The following CFAP44 variants were observed in gnomAD, a reference collection of about 807,000 sequenced individuals.
CFAP44 encodes the protein cilia- and flagella-associated protein 44.
A neutral mutation model predicts 216.2 loss-of-function variants in CFAP44; 134 were observed. That is an observed-to-expected ratio of 0.62 (90% CI 0.54 to 0.72). CFAP44 has a LOEUF of 0.72. Among genes scored for constraint, CFAP44 ranks in the 30% least tolerant of loss-of-function variants. The pLI is 0.00. For missense variants in CFAP44, 2,035 were observed against 2,182.1 expected, an observed-to-expected ratio of 0.93 and a Z score of 1.34; for synonymous variants, 700 against 727.6, an observed-to-expected ratio of 0.96 and a Z score of 0.61.
intron 32 of CFAP44, among the ~76,000 whole-genome samples, chr3:113,298,479 T>C (rs1949903252): frequency 1.3e-5 from 2 of 152,178 alleles, no homozygotes; most frequent in African/African-American, 4.8e-5. Context: ...ATATCCCAAT[T>C]CTGGGCACAT....
At chr3:113,328,679 G>A (rs1950210189) in intron 26 of CFAP44, among the ~76,000 whole-genome samples, 1 of 70,066 alleles carries the variant, frequency 1.4e-5, no homozygotes, top group South Asian at 5.4e-4. Flanking sequence ...GAAACTACCA[G>A]AGAAATTTAG....
intron 15 of CFAP44, among the ~76,000 whole-genome samples, chr3:113,382,143 A>C (rs1933531461): frequency 6.6e-6 from 1 of 152,184 alleles, no homozygotes; most frequent in African/African-American, 2.4e-5. Context: ...GAACAGAATG[A>C]GAGGAGAGAT....
At chr3:113,339,921 G>A (rs1950315551) in intron 24 of CFAP44, among the ~76,000 whole-genome samples, 1 of 152,244 alleles carries the variant, frequency 6.6e-6, no homozygotes, top group Non-Finnish European at 1.5e-5. Context: ...CCCTTGCTTA[G>A]TGCAACTGAG....
chr3:113,375,369 T>C (rs1933310467), intron 17 of CFAP44, among the ~76,000 whole-genome samples: 1 of 152,036 alleles, frequency 6.6e-6, no homozygotes, highest in Non-Finnish European at 1.5e-5. Context: ...TAAAAAGCAA[T>C]TGGAAAAACA....
At chr3:113,363,666 C>CTGAA in intron 19 of CFAP44, 134 bp from the exon 20 acceptor site, 1 of 760,744 alleles carries the variant, frequency 1.3e-6, no homozygotes, top group Non-Finnish European at 1.9e-6. Context: ...AATTATAGGT[C>CTGAA]TGAAAATCAG....
At chr3:113,426,677 T>C (rs1460592947) in intron 3 of CFAP44, 4 of 195,296 alleles carry the variant, frequency 2.0e-5, no homozygotes, top group Non-Finnish European at 4.2e-5. Flanking sequence ...AACGGACTAA[T>C]ACAAAGAGTG....
At chr3:113,364,671 C>T (rs984142164) in intron 19 of CFAP44, among the ~76,000 whole-genome samples, 1 of 152,070 alleles carries the variant, frequency 6.6e-6, no homozygotes, top group Non-Finnish European at 1.5e-5. Context: ...TTGAGTTAAA[C>T]AAAAGTTCCA....
rs7652801 is a variant in CFAP44, at chr3:113,289,759, A to G, written c.*1798T>C. On this transcript the variant is annotated 3_prime_UTR_variant, in exon 35 of 35. Transcript: ENST00000393845. ...GGCTGTAAAAGACTGTGGCTCTTGT[A>G]TACATCATTCTCTCTTGCTGTCTCC... The G allele has an allele frequency of 0.031, 4,800 of 152,398 alleles. 96 individuals carry two copies. The highest frequency in any genetic ancestry group is 0.088 in the Middle Eastern group (26 of 296). The allele number at this position is 152,398 out of a possible 1,614,324, so 9.4% of individuals were successfully genotyped here.
chr3:113,401,787 C>G, intron 9 of CFAP44, 48 bp from the exon 10 acceptor site: 1 of 1,521,512 alleles, frequency 6.6e-7, no homozygotes. Flanking sequence ...AGTTTCTGAA[C>G]ATTTATTTTC....
intron 22 of CFAP44, among the ~76,000 whole-genome samples, chr3:113,355,224 GA>G (rs199967870): frequency 2.7e-5 from 4 of 149,818 alleles, no homozygotes; most frequent in Non-Finnish European, 4.5e-5. Context: ...TATTGAAATT[GA>G]AAAAAAAAAT....
chr3:113,428,216 C>T (rs1935013964), intron 2 of CFAP44, among the ~76,000 whole-genome samples: 1 of 152,168 alleles, frequency 6.6e-6, no homozygotes, highest in African/African-American at 2.4e-5. Flanking sequence ...CAACCAAAGA[C>T]TATTTCCTCA....
chr3:113,374,589 A>G (rs1421723601), intron 17 of CFAP44, among the ~76,000 whole-genome samples: 1 of 152,056 alleles, frequency 6.6e-6, no homozygotes, highest in Admixed American at 6.6e-5. Flanking sequence ...CATTCATAGC[A>G]GCATTATTCA....
Position 113,333,429 on chromosome 3 carries a change from C to T in CFAP44, c.3592G>A (p.Glu1198Lys). The T allele has an allele frequency of 1.3e-6, 2 of 1,536,940 alleles. No homozygotes were observed. The highest frequency in any genetic ancestry group is 1.4e-5 in the African/African-American group (1 of 73,112). Residue 1198 changes from glutamate to lysine, a missense_variant, in exon 25 of 35, where the codon GAA (glutamate) becomes AAA (lysine). Physicochemically the swap from Glu to Lys is moderately conservative, Grantham distance 56. Around this residue, in one of 3 missense-constraint regions of CFAP44, gnomAD observed 1,883 missense variants for 2,023.7 expected, o/e 0.93. Transcript: ENST00000393845. ...MRINAAKKEEELGHLDSLVHG... is the reference protein window; with the variant it reads ...MRINAAKKEEKLGHLDSLVHG... ...ACCAAAGAATCTAGGTGTCCTAGTTCCTCTTCCTTCTTGGCAGCATTTATT... is the reference window on the plus strand; with the variant it reads ...ACCAAAGAATCTAGGTGTCCTAGTTTCTCTTCCTTCTTGGCAGCATTTATT...
Position 113,330,658 on chromosome 3 carries a change from T to C in CFAP44, c.3626A>G (p.Asn1209Ser). 1.3e-6 allele frequency: 2 copies of C among 1,531,420 alleles called. No homozygotes were observed. Among genetic ancestry groups the C allele is most frequent in the Non-Finnish European group, 1.7e-6 (2 of 1,144,984 alleles). The allele number at this position is 1,531,420 out of a possible 1,614,324, so 94.9% of individuals were successfully genotyped here. ...LGHLDSLVHGNKRHMNKCILS... is the reference protein window; with the variant it reads ...LGHLDSLVHGSKRHMNKCILS... ...AATGCACTTGTTCATGTGCCTTTTATTTCCATGGACCTGAAAAAAAGAAGA... is the reference window on the plus strand; with the variant it reads ...AATGCACTTGTTCATGTGCCTTTTACTTCCATGGACCTGAAAAAAAGAAGA... Residue 1209 changes from asparagine to serine, a missense_variant, in exon 26 of 35, where the codon AAT becomes AGT. By Grantham distance (46) the Asn-to-Ser change is conservative. This residue lies in a region of CFAP44 where 1,883 missense variants were observed against 2,023.7 expected (regional missense o/e 0.93). Transcript: ENST00000393845.
chr3:113,429,762 A>G (rs961504170), intron 2 of CFAP44, among the ~76,000 whole-genome samples: 2 of 151,162 alleles, frequency 1.3e-5, no homozygotes, highest in Non-Finnish European at 3.0e-5. Context: ...TAGATTATTT[A>G]CTCTTTAGAA....
intron 5 of CFAP44, among the ~76,000 whole-genome samples, chr3:113,418,810 G>A (rs896879580): frequency 8.5e-5 from 13 of 152,050 alleles, no homozygotes; most frequent in Non-Finnish European, 1.8e-4. Context: ...AGTTCAAGTG[G>A]TTCTCTGCCT....
intron 25 of CFAP44, 102 bp from the exon 26 acceptor site, chr3:113,330,770 T>A (rs1950235021): frequency 1.4e-6 from 2 of 1,390,732 alleles, no homozygotes; most frequent in Non-Finnish European, 1.9e-6. Context: ...CTAGAAAAAA[T>A]TCAAGATAAA....
chr3:113,431,962 A>C (rs1177228807), intron 2 of CFAP44, among the ~76,000 whole-genome samples: 2 of 152,212 alleles, frequency 1.3e-5, no homozygotes, highest in Non-Finnish European at 2.9e-5. Context: ...ATTGCAGCCT[A>C]TGAAGTCCTT....
intron 25 of CFAP44, among the ~76,000 whole-genome samples, chr3:113,331,146 A>G (rs16860849): frequency 0.13 from 19,153 of 152,166 alleles, 1,245 homozygotes; most frequent in Non-Finnish European, 0.15. Flanking sequence ...TTTTGGCCAC[A>G]TGATTATTGT....
Sources: gnomAD v4.1 joint callset for allele counts (sites outside exome capture counted in the v4.1 genomes callset) on GRCh38, gnomAD v4.1.1 for gene constraint, gnomAD v4.1.1 regional missense constraint, MANE v1.5 for transcripts, NCBI Gene and HGNC (gene_info 2026-07-23, HGNC 2026-07-21) for gene names.